Variants in XG observed in about 807,000 individuals in gnomAD.
XG encodes Xg glycoprotein (Xg blood group), also known as glycoprotein Xg.
A neutral mutation model predicts 25.7 loss-of-function variants in XG; 24 were observed. The observed-to-expected ratio is 0.93, with a 90% confidence interval of 0.68 to 1.31. The LOEUF is 1.31. XG is among the 40% of genes most tolerant of loss of function. The pLI is 0.00. For synonymous variants in XG, 77 were observed against 69.2 expected, an observed-to-expected ratio of 1.11 and a Z score of -0.56; for missense variants, 181 against 187.6, an observed-to-expected ratio of 0.96 and a Z score of 0.21.
At chrX:2,793,252 C>T (rs748636028) in intron 5 of XG, among the ~76,000 whole-genome samples, 1 of 111,683 alleles carries the variant, frequency 9.0e-6, no homozygotes, top group South Asian at 3.8e-4. Context: ...CAATGGTGCA[C>T]ATTAGCATGG....
intron 5 of XG, among the ~76,000 whole-genome samples, chrX:2,792,149 G>T (rs909171911): frequency 3.6e-5 from 4 of 111,157 alleles, no homozygotes; most frequent in African/African-American, 1.3e-4. Context: ...AGGCATGGTG[G>T]CATGTACCTG....
Position 2,770,545 on chromosome X carries a change from A to G in XG, c.62-5A>G. The stretch of plus-strand genomic sequence containing the variant: ...GGTGACTTATGCCCTGTTTGCTCCC[A>G]ATAGGTCAAAGAGACTTTGATTTGG... On this transcript the variant is annotated splice_polypyrimidine_tract_variant and splice_region_variant and intron_variant, in intron 1 of 10. Transcript: ENST00000644266. 1 of 1,613,894 alleles carries G rather than the reference A, an allele frequency of 6.2e-7. No individual in the cohort carries two copies.
rs1176566452 is a variant in XG, at chrX:2,801,748, G to A, written c.373+4388G>A. 4.9e-4 allele frequency among the ~76,000 whole-genome samples: 54 copies of A among 109,978 alleles called. 1 individual carries two copies. Among genetic ancestry groups the A allele is most frequent in the Middle Eastern group, 4.6e-3 (1 of 217 alleles). On this transcript the variant is annotated intron_variant, in intron 7 of 10. Transcript: ENST00000644266. ...TTTTGAGACGGAGTCTCGCTCTGTCGCCCAGGCTGGAGTGCAGTGGCGTCA... is the reference window on the plus strand; with the variant it reads ...TTTTGAGACGGAGTCTCGCTCTGTCACCCAGGCTGGAGTGCAGTGGCGTCA...
intron 1 of XG, among the ~76,000 whole-genome samples, chrX:2,768,545 G>T (rs2535445): frequency 6.6e-6 from 1 of 151,944 alleles, no homozygotes; most frequent in East Asian, 1.9e-4. Context: ...AGGCAGGTGG[G>T]TCACTTGAGG....
rs1165669976 is a variant in XG at position 2,752,130 on chromosome X, C to T, written c.-145C>T. 17 of 1,430,810 alleles carry T rather than the reference C, an allele frequency of 1.2e-5. No homozygotes were observed. In the South Asian group the frequency reaches 2.1e-4, roughly 17 times the overall value. 88.6% of individuals were successfully genotyped at this position (1,430,810 alleles called of 1,614,324 possible). On this transcript the variant is annotated 5_prime_UTR_variant, in exon 1 of 11. Coordinates refer to ENST00000644266, the MANE Select transcript of XG (RefSeq NM_001141919.2). Reference sequence around the variant, plus strand: ...GGAGCCCATTTGTTTCTGGCAGTTCCGCTCATATTTTCCACTTGAAGACAT... The same window carrying T: ...GGAGCCCATTTGTTTCTGGCAGTTCTGCTCATATTTTCCACTTGAAGACAT...
intron 4 of XG, among the ~76,000 whole-genome samples, chrX:2,786,518 T>G (rs2086786291): frequency 9.1e-6 from 1 of 110,393 alleles, no homozygotes; most frequent in Non-Finnish European, 1.9e-5. Context: ...TCTGCCCACC[T>G]TGGCCTCCCA....
At chrX:2,801,808 A>T (rs536829099) in intron 7 of XG, among the ~76,000 whole-genome samples, 1 of 110,815 alleles carries the variant, frequency 9.0e-6, no homozygotes, top group Admixed American at 9.6e-5. Flanking sequence ...TCCCGGGTTC[A>T]CGCCATTCTC....
chrX:2,790,671 G>C (rs1159517120), intron 5 of XG, among the ~76,000 whole-genome samples: 3 of 110,530 alleles, frequency 2.7e-5, no homozygotes, highest in African/African-American at 9.9e-5. Flanking sequence ...AGAGTGACGC[G>C]TGCCTGTAAT....
chrX:2,773,551 GA>G (rs2050888259), intron 2 of XG, among the ~76,000 whole-genome samples: 4 of 115,286 alleles, frequency 3.5e-5, no homozygotes, highest in African/African-American at 1.4e-4. Context: ...AGGAAGGAGA[GA>G]AGGAAGGAAG....
Position 2,774,679 on chromosome X carries a change from A to C in XG, c.104-37A>C, listed in dbSNP as rs781226799. 4 of 1,613,354 alleles carry C rather than the reference A, an allele frequency of 2.5e-6. No homozygotes were observed. The Middle Eastern group carries it at 5.0e-4, about 200-fold the overall frequency. ...TTCTTCATGCTTCCAATGAATCTTC[A>C]ATGCATATTGCATTTATTTTCTCTC... is the stretch of plus-strand genomic sequence containing the variant. On this transcript the variant is annotated intron_variant, in intron 2 of 10. Coordinates refer to ENST00000644266, the MANE Select transcript of XG (RefSeq NM_001141919.2).
intron 2 of XG, among the ~76,000 whole-genome samples, chrX:2,772,886 C>T (rs1274332323): frequency 1.3e-5 from 2 of 152,184 alleles, no homozygotes; most frequent in African/African-American, 2.4e-5. Context: ...TCATCCACAG[C>T]CCTTCCTCAT....
At chrX:2,758,311 C>T (rs1409380877) in intron 1 of XG, among the ~76,000 whole-genome samples, 1 of 152,164 alleles carries the variant, frequency 6.6e-6, no homozygotes, top group Non-Finnish European at 1.5e-5. Flanking sequence ...AAAGCGCCAC[C>T]CAGTCCCCAC....
chrX:2,787,925 A>G (rs1311008903), intron 4 of XG, among the ~76,000 whole-genome samples: 17 of 106,788 alleles, frequency 1.6e-4, no homozygotes, highest in African/African-American at 3.4e-4. Context: ...AAAAAAAAAA[A>G]AGAGAGTCTA....
At chrX:2,762,332 A>G (rs987730316) in intron 1 of XG, among the ~76,000 whole-genome samples, 14 of 152,170 alleles carry the variant, frequency 9.2e-5, no homozygotes, top group African/African-American at 3.4e-4. Context: ...CTGCAACTGC[A>G]TAATATGGTC....
intron 5 of XG, among the ~76,000 whole-genome samples, chrX:2,791,645 A>T (rs1226350580): frequency 1.8e-5 from 2 of 109,301 alleles, no homozygotes; most frequent in Non-Finnish European, 3.8e-5. Flanking sequence ...AATTGTGTTT[A>T]GTTGATTCCT....
intron 2 of XG, among the ~76,000 whole-genome samples, chrX:2,771,220 G>A (rs750240394): frequency 7.9e-5 from 12 of 151,092 alleles, no homozygotes; most frequent in African/African-American, 2.9e-4. Flanking sequence ...CCCAATCCAT[G>A]GCCTCCAATC....
intron 7 of XG, among the ~76,000 whole-genome samples, chrX:2,798,480 C>T (rs748466292): frequency 1.9e-5 from 2 of 107,654 alleles, no homozygotes; most frequent in Admixed American, 2.0e-4. Flanking sequence ...AAGTGATTCT[C>T]CTGCCTCAGC....
chrX:2,770,612 G>A, intron 2 of XG, 21 bp downstream of exon 2: 1 of 1,613,792 alleles, frequency 6.2e-7, no homozygotes, highest in Non-Finnish European at 8.5e-7. Context: ...ATATTTCAAG[G>A]GGAGCCTTCC....
At chrX:2,770,467 A>T in intron 1 of XG, 83 bp from the exon 2 acceptor site, 1 of 1,533,884 alleles carries the variant, frequency 6.5e-7, no homozygotes, top group Non-Finnish European at 9.0e-7. Flanking sequence ...TTGCAGGAGG[A>T]GGGGAGCAGC....
Sources: gnomAD v4.1 joint callset for allele counts (sites outside exome capture counted in the v4.1 genomes callset) on GRCh38, gnomAD v4.1.1 for gene constraint, MANE v1.5 for transcripts, NCBI Gene and HGNC (gene_info 2026-07-23, HGNC 2026-07-21) for gene names.